Variants in MBTD1 observed in about 807,000 individuals in gnomAD.
MBTD1 encodes MBT domain-containing protein 1.
A neutral mutation model predicts 87.8 loss-of-function variants in MBTD1; 24 were observed. The ratio of observed to expected loss-of-function variants is 0.27; its 90% CI spans 0.20 to 0.38. The LOEUF (loss-of-function observed/expected upper bound fraction) is 0.38. Among genes scored for constraint, MBTD1 ranks in the 10% least tolerant of loss-of-function variants. The pLI is 1.00. For synonymous variants in MBTD1, 237 were observed against 248.6 expected (o/e 0.95, Z 0.44); for missense variants, 436 against 760.2 (o/e 0.57, Z 5.02).
chr17:51,254,567 A>C (rs987424096), intron 2 of MBTD1, among the ~76,000 whole-genome samples: 1 of 152,214 alleles, frequency 6.6e-6, no homozygotes, highest in Non-Finnish European at 1.5e-5. Context: ...CAGTGAACAA[A>C]AGGAAGTGAT....
At chr17:51,209,828 T>C (rs1361686854) in intron 6 of MBTD1, among the ~76,000 whole-genome samples, 1 of 152,170 alleles carries the variant, frequency 6.6e-6, no homozygotes, top group Non-Finnish European at 1.5e-5. Flanking sequence ...TCAAAATGTC[T>C]TCAGACTAAC....
chr17:51,255,833 A>C (rs922467771), intron 2 of MBTD1, among the ~76,000 whole-genome samples: 2 of 152,098 alleles, frequency 1.3e-5, no homozygotes, highest in African/African-American at 2.4e-5. Context: ...CCTGGGTTCA[A>C]GCAATCTGCC....
chr17:51,205,061 T>C (rs1445344413), intron 7 of MBTD1, among the ~76,000 whole-genome samples: 1 of 152,236 alleles, frequency 6.6e-6, no homozygotes, highest in Non-Finnish European at 1.5e-5. Flanking sequence ...TTTATAATTC[T>C]ATAAACTTTA....
At chr17:51,257,733 T>C (rs1598456111) in intron 2 of MBTD1, among the ~76,000 whole-genome samples, 1 of 152,200 alleles carries the variant, frequency 6.6e-6, no homozygotes, top group Non-Finnish European at 1.5e-5. Flanking sequence ...GAACTCCTTA[T>C]TAATTAAAAT....
At chr17:51,253,958 G>C (rs2054937665) in intron 2 of MBTD1, among the ~76,000 whole-genome samples, 1 of 152,162 alleles carries the variant, frequency 6.6e-6, no homozygotes, top group Admixed American at 6.5e-5. Context: ...ATGGAGCCAA[G>C]TAATATTAAT....
intron 3 of MBTD1, among the ~76,000 whole-genome samples, chr17:51,222,392 GTTTT>G (rs1005015450): frequency 5.2e-4 from 79 of 151,566 alleles, no homozygotes; most frequent in African/African-American, 1.8e-3. Context: ...GACACGGGTA[GTTTT>G]TTTGTTTTGT....
chr17:51,242,599 G>A (rs2054219234), intron 2 of MBTD1, among the ~76,000 whole-genome samples: 1 of 151,966 alleles, frequency 6.6e-6, no homozygotes, highest in African/African-American at 2.4e-5. Context: ...CATCCTTATT[G>A]GATTTATTTC....
chr17:51,247,495 G>A (rs1313856712), intron 2 of MBTD1, among the ~76,000 whole-genome samples: 1 of 139,844 alleles, frequency 7.2e-6, no homozygotes, highest in Non-Finnish European at 1.5e-5. Flanking sequence ...CGTTCAGCCT[G>A]GAGTGCAGCA....
At chr17:51,259,790 C>T (rs1221432964) in intron 1 of MBTD1, 45 bp downstream of exon 1, 1 of 1,230,386 alleles carries the variant, frequency 8.1e-7, no homozygotes, top group Non-Finnish European at 1.0e-6. Flanking sequence ...CTGCAGGCGT[C>T]CCCCCCACCT....
chr17:51,197,346 C>CCTGCCT (rs951357382), intron 12 of MBTD1, among the ~76,000 whole-genome samples: 13 of 151,498 alleles, frequency 8.6e-5, no homozygotes, highest in Non-Finnish European at 1.5e-4. Context: ...AAGTGATTCT[C>CCTGCCT]CTGCCTCTGC....
At chr17:51,211,709 G>A (rs900897148) in intron 6 of MBTD1, among the ~76,000 whole-genome samples, 1 of 149,800 alleles carries the variant, frequency 6.7e-6, no homozygotes, top group Admixed American at 6.7e-5. Flanking sequence ...TTTAACTTTC[G>A]TTAAAATGGA....
At chr17:51,235,484 T>C (rs1476766666) in intron 2 of MBTD1, among the ~76,000 whole-genome samples, 3 of 152,136 alleles carry the variant, frequency 2.0e-5, no homozygotes, top group Non-Finnish European at 2.9e-5. Flanking sequence ...AACCTAACAA[T>C]ATATAAAAAG....
At chr17:51,260,420 G>A (rs893669515), upstream of MBTD1, 164 of 739,948 alleles carry the variant, frequency 2.2e-4, no homozygotes, top group Middle Eastern at 3.9e-4. Flanking sequence ...GGGCTGGGTA[G>A]GGGAGCGGGA....
chr17:51,188,753 GTTTTTTTTTTT>G (rs767959315), intron 16 of MBTD1, among the ~76,000 whole-genome samples: 4 of 108,888 alleles, frequency 3.7e-5, no homozygotes, highest in African/African-American at 1.1e-4. Context: ...ATTCAAATAG[GTTTTTTTTTTT>G]TTTTTTTTTT....
chr17:51,260,950 G>T (rs953725339), upstream of MBTD1: 2 of 1,497,696 alleles, frequency 1.3e-6, no homozygotes. Context: ...CGGCGCGCGG[G>T]CTGGGCGCAC....
At chr17:51,237,115 A>C (rs1193536345) in intron 2 of MBTD1, among the ~76,000 whole-genome samples, 1 of 151,934 alleles carries the variant, frequency 6.6e-6, no homozygotes, top group Non-Finnish European at 1.5e-5. Context: ...TGGCCAACAT[A>C]ATAAAACCCT....
At chr17:51,196,810 C>T (rs892051549) in intron 12 of MBTD1, among the ~76,000 whole-genome samples, 19 of 151,314 alleles carry the variant, frequency 1.3e-4, no homozygotes, top group Admixed American at 1.1e-3. Context: ...GAGAATTGCT[C>T]GAACCTGGAA....
intron 12 of MBTD1, among the ~76,000 whole-genome samples, chr17:51,196,778 C>A (rs1035981447): frequency 3.3e-5 from 5 of 151,438 alleles, no homozygotes; most frequent in African/African-American, 1.2e-4. Context: ...GTAATCCCAG[C>A]TACTTAGGAG....
intron 2 of MBTD1, among the ~76,000 whole-genome samples, chr17:51,226,665 T>C (rs1774324402): frequency 6.6e-6 from 1 of 151,004 alleles, no homozygotes; most frequent in Non-Finnish European, 1.5e-5. Flanking sequence ...AGAGTCTCGC[T>C]CTGTCACCCA....
Sources: gnomAD v4.1 joint callset for allele counts (sites outside exome capture counted in the v4.1 genomes callset) on GRCh38, gnomAD v4.1.1 for gene constraint, MANE v1.5 for transcripts, NCBI Gene and HGNC (gene_info 2026-07-23, HGNC 2026-07-21) for gene names.